The following LRP1B variants were observed in gnomAD, a reference collection of about 807,000 sequenced individuals.
The protein encoded by LRP1B is low-density lipoprotein receptor-related protein 1B.
Under a neutral mutation model 556.6 loss-of-function variants are expected in LRP1B, and 217 were observed. The ratio of observed to expected loss-of-function variants is 0.39; its 90% confidence interval spans 0.35 to 0.44. LRP1B has a LOEUF of 0.44. Among genes scored for constraint, LRP1B ranks in the 20% least tolerant of loss-of-function variants. LRP1B has a pLI of 1.00. For missense variants in LRP1B, 5,053 were observed against 5,620.8 expected, an observed-to-expected ratio of 0.90 and a Z score of 3.23; for synonymous variants, 2,047 against 1,865.8, an observed-to-expected ratio of 1.10 and a Z score of -2.50.
intron 7 of LRP1B, among the ~76,000 whole-genome samples, chr2:141,065,661 A>T (rs971940433): frequency 6.6e-6 from 1 of 151,912 alleles, no homozygotes; most frequent in Non-Finnish European, 1.5e-5. Flanking sequence ...TTTGCACTTT[A>T]TTGTTACCAC....
rs757480750 is a variant in LRP1B at position 140,994,040 on chromosome 2, C to T, written c.2599G>A (p.Asp867Asn). ...CIQARWKCDGDDDCLDGSDED... is the reference protein window; with the variant it reads ...CIQARWKCDGNDDCLDGSDED... ...TCGCTTCCGTCTAGGCAGTCATCGT[C>T]GCCATCACATTTCCACCGAGCTTGG... The change falls in exon 16 of 91, where the codon GAC becomes AAC. Residue 867 changes from aspartate to asparagine, a missense_variant. By Grantham distance (23) the Asp-to-Asn change is conservative. Coordinates refer to ENST00000389484, the MANE Select transcript of LRP1B (RefSeq NM_018557.3). 4.3e-6 allele frequency: 7 copies of T among 1,612,678 alleles called. No homozygotes were observed. The highest frequency in any genetic ancestry group is 1.3e-5 in the African/African-American group (1 of 74,908).
intron 1 of LRP1B, among the ~76,000 whole-genome samples, chr2:142,060,778 C>T (rs1316516404): frequency 2.6e-5 from 4 of 152,020 alleles, no homozygotes; most frequent in Non-Finnish European, 5.9e-5. Flanking sequence ...CAACCACTTC[C>T]AATTTGTAAA....
Position 141,087,037 on chromosome 2 carries a change from T to C in LRP1B, c.1014-24764A>G, listed in dbSNP as rs1700064048. The stretch of plus-strand genomic sequence containing the variant: ...ACTTACATAGCACTGATGGTAAATA[T>C]AGGCCTGTGGCGGCAGCAATGTAGA... On this transcript the variant is annotated intron_variant, in intron 7 of 90. Coordinates refer to ENST00000389484, the MANE Select transcript of LRP1B (RefSeq NM_018557.3). Among the ~76,000 whole-genome samples the C allele has an allele frequency of 3.9e-5, 6 of 152,330 alleles. No homozygotes were observed. In the South Asian group the frequency reaches 1.2e-3, roughly 32 times the overall value.
At position 141,446,952 on chromosome 2, in the gene LRP1B, T is replaced by C. The variant is rs376540398; in HGVS notation, c.343+33444A>G. ...TCTCTATATTTCCTGAATTTGAATG[T>C]TGGCATGACATGCTAGGTTGGGGAA... On this transcript the variant is annotated intron_variant, in intron 3 of 90. Transcript: ENST00000389484. Among the ~76,000 whole-genome samples, 8 of 152,310 alleles carry C rather than the reference T, an allele frequency of 5.3e-5. No individual in the cohort carries two copies. The East Asian group carries it at 9.7e-4, about 18-fold the overall frequency.
Position 140,322,019 on chromosome 2 carries a change from A to G in LRP1B, c.12584T>C (p.Val4195Ala). The change falls in exon 82 of 91, where the codon GTG (valine) becomes GCG (alanine). Residue 4195 changes from valine to alanine, a missense_variant. Transcript: ENST00000389484. ...CLLNPSGATC[V>A]CPEGKYLING... ...AATCAAATATTTTCCTTCTGGACAC[A>G]CACAAGTGGCCCCAGAAGGATTTAG... is the stretch of plus-strand genomic sequence containing the variant. 6.2e-7 allele frequency: 1 copy of G among 1,613,288 alleles called. No homozygotes were observed. The highest frequency in any genetic ancestry group is 1.1e-5 in the South Asian group (1 of 91,062).
intron 7 of LRP1B, among the ~76,000 whole-genome samples, chr2:141,122,947 T>C (rs1701100597): frequency 6.6e-6 from 1 of 152,056 alleles, no homozygotes; most frequent in African/African-American, 2.4e-5. Context: ...ATGTCCTTTG[T>C]AGGGACATGG....
At chr2:141,752,088 G>A (rs1335536902) in intron 2 of LRP1B, among the ~76,000 whole-genome samples, 2 of 151,620 alleles carry the variant, frequency 1.3e-5, no homozygotes, top group African/African-American at 4.8e-5. Flanking sequence ...AATTTAGCTG[G>A]TATTTTATAT....
chr2:141,139,222 T>C (rs756721376), intron 7 of LRP1B, among the ~76,000 whole-genome samples: 1 of 151,696 alleles, frequency 6.6e-6, no homozygotes, highest in Non-Finnish European at 1.5e-5. Context: ...AAAAGATGAA[T>C]CATAAAATGA....
intron 2 of LRP1B, among the ~76,000 whole-genome samples, chr2:141,583,754 T>A (rs1001428264): frequency 6.6e-6 from 1 of 152,056 alleles, no homozygotes; most frequent in Non-Finnish European, 1.5e-5. Context: ...ATTTATTTAT[T>A]CTTTGAGACT....
At chr2:141,515,856 T>G (rs16855055) in intron 2 of LRP1B, among the ~76,000 whole-genome samples, 69 of 152,234 alleles carry the variant, frequency 4.5e-4, no homozygotes, top group African/African-American at 1.6e-3. Flanking sequence ...GAACTGTACT[T>G]AAGAATGTTC....
At chr2:140,793,416 C>T (rs954515687) in intron 32 of LRP1B, among the ~76,000 whole-genome samples, 2 of 151,856 alleles carry the variant, frequency 1.3e-5, no homozygotes, top group African/African-American at 2.4e-5. Flanking sequence ...CAAATGGCTG[C>T]TCTTATCTTA....
intron 2 of LRP1B, among the ~76,000 whole-genome samples, chr2:141,799,698 G>A (rs1342234161): frequency 6.6e-6 from 1 of 151,746 alleles, no homozygotes; most frequent in Non-Finnish European, 1.5e-5. Context: ...TAATAAATGG[G>A]TTTCAACATG....
At chr2:141,670,926 A>T (rs115403288) in intron 2 of LRP1B, among the ~76,000 whole-genome samples, 111 of 152,306 alleles carry the variant, frequency 7.3e-4, no homozygotes, top group African/African-American at 2.5e-3. Flanking sequence ...TTCCAAATCT[A>T]TTCATAATTG....
intron 3 of LRP1B, among the ~76,000 whole-genome samples, chr2:141,426,292 G>T (rs1294966542): frequency 6.6e-6 from 1 of 151,696 alleles, no homozygotes; most frequent in Non-Finnish European, 1.5e-5. Flanking sequence ...CTCTGTTTTG[G>T]TACCAGTACC....
At position 140,238,196 on chromosome 2, in the gene LRP1B, C is replaced by G. The variant is rs141605274; in HGVS notation, c.13516G>C (p.Asp4506His). Reference sequence around the variant, plus strand: ...AAGCCAGGATCTAAAAGACCTCCATCGTTGTGATCATGATCTACCTCATAC... The same window carrying G: ...AAGCCAGGATCTAAAAGACCTCCATGGTTGTGATCATGATCTACCTCATAC... ...NMYEVDHDHN[D>H]GGLLDPGFMI... Residue 4506 changes from aspartate (D) to histidine (H), a missense_variant, in exon 89 of 91, where the codon GAT (aspartate) becomes CAT (histidine). Coordinates refer to ENST00000389484, the MANE Select transcript of LRP1B (RefSeq NM_018557.3). The G allele has an allele frequency of 6.2e-7, 1 of 1,605,352 alleles. No homozygotes were observed.
At chr2:140,518,097 A>G (rs549100030) in intron 49 of LRP1B, among the ~76,000 whole-genome samples, 1 of 152,266 alleles carries the variant, frequency 6.6e-6, no homozygotes, top group East Asian at 1.9e-4. Context: ...CCAAGCAGGA[A>G]GTAAACCCTA....
At chr2:142,064,199 C>A (rs774469355) in intron 1 of LRP1B, among the ~76,000 whole-genome samples, 6 of 151,416 alleles carry the variant, frequency 4.0e-5, no homozygotes, top group Non-Finnish European at 8.9e-5. Context: ...TTCATATAAT[C>A]CTATTAGTGG....
At chr2:140,827,174 CA>C (rs1691538221) in intron 31 of LRP1B, among the ~76,000 whole-genome samples, 1 of 152,052 alleles carries the variant, frequency 6.6e-6, no homozygotes, top group Admixed American at 6.6e-5. Context: ...CAACACAAGC[CA>C]GACACAAGTA....
At chr2:141,939,125 A>G (rs1247903122) in intron 1 of LRP1B, among the ~76,000 whole-genome samples, 1 of 151,106 alleles carries the variant, frequency 6.6e-6, no homozygotes, top group Non-Finnish European at 1.5e-5. Flanking sequence ...CTAGGAGTGT[A>G]GATTTCAGTT....
Sources: gnomAD v4.1 joint callset for allele counts (sites outside exome capture counted in the v4.1 genomes callset) on GRCh38, gnomAD v4.1.1 for gene constraint, MANE v1.5 for transcripts, NCBI Gene and HGNC (gene_info 2026-07-23, HGNC 2026-07-21) for gene names.